Variants in ARHGAP23 observed in about 807,000 individuals in gnomAD.
The protein encoded by ARHGAP23 is Rho GTPase activating protein 23, also known as rho GTPase-activating protein 23.
ARHGAP23 carries 34 observed loss-of-function variants against 136.3 expected under a neutral mutation model. That is an observed-to-expected ratio of 0.25 (90% CI 0.19 to 0.33). The LOEUF is 0.33. ARHGAP23 is among the 10% of genes least tolerant of loss of function. The pLI, the probability that ARHGAP23 is intolerant of heterozygous loss-of-function variation, is 1.00. For missense variants in ARHGAP23, 1,808 were observed against 2,139.0 expected, an observed-to-expected ratio of 0.85 and a Z score of 3.05; for synonymous variants, 832 against 920.5, an observed-to-expected ratio of 0.90 and a Z score of 1.74.
intron 1 of ARHGAP23, among the ~76,000 whole-genome samples, chr17:38,447,296 G>T (rs563626644): frequency 2.0e-5 from 3 of 151,948 alleles, no homozygotes; most frequent in African/African-American, 7.2e-5. Context: ...ACAAAATTTA[G>T]CCGGGCGTGG....
Position 38,469,528 on chromosome 17 carries a change from C to T in ARHGAP23, c.1809C>T (p.Ser603=), listed in dbSNP as rs1381958046. 1.3e-6 allele frequency: 2 copies of T among 1,548,002 alleles called. No homozygotes were observed. The highest frequency in any genetic ancestry group is 3.9e-5 in the Admixed American group (2 of 50,950). ...CCGATGTGGGCGGCTTTGCAGGCAG[C>T]ATCAAGGCTGGCCGCCGCTCCTCCT... ...LGRHYSQDCS[S]IKAGRRSSYL... Residue 603 remains serine, a synonymous_variant, in exon 9 of 24, where the codon AGC becomes AGT. Coordinates refer to ENST00000622683, the MANE Select transcript of ARHGAP23 (RefSeq NM_001199417.2).
chr17:38,504,932 GT>G (rs1291145168), intron 23 of ARHGAP23, among the ~76,000 whole-genome samples: 1 of 146,236 alleles, frequency 6.8e-6, no homozygotes, highest in Non-Finnish European at 1.5e-5. Flanking sequence ...CAGCTCCGTG[GT>G]GGGTGGAGTG....
At chr17:38,445,213 TC>T in intron 1 of ARHGAP23, among the ~76,000 whole-genome samples, 1 of 147,142 alleles carries the variant, frequency 6.8e-6, no homozygotes, top group East Asian at 2.1e-4. Context: ...ACGCCTGTAA[TC>T]CCAGCACTTT....
At chr17:38,459,253 T>G (rs915208183) in intron 2 of ARHGAP23, among the ~76,000 whole-genome samples, 2 of 152,204 alleles carry the variant, frequency 1.3e-5, no homozygotes, top group Non-Finnish European at 2.9e-5. Context: ...ACTGTCTGTG[T>G]TCGTGTGCTC....
In ARHGAP23 at chr17:38,510,701, G is replaced by C. The variant is rs1415308998; in HGVS notation, c.4205G>C (p.Ser1402Thr). The change falls in exon 24 of 24, where the codon AGC becomes ACC. Residue 1402 changes from serine to threonine, a missense_variant. Ser to Thr is a moderately conservative substitution (Grantham distance 58, BLOSUM62 1). Coordinates refer to ENST00000622683, the MANE Select transcript of ARHGAP23 (RefSeq NM_001199417.2). The surrounding 1 kb of genome is among the most constrained non-coding windows in gnomAD (Gnocchi z 4.6). ...LSPETRRRRS[S>T]WRRHTVVVQS... Reference sequence around the variant, plus strand: ...CCCGAGACCCGGCGGCGCCGGAGCAGCTGGCGCCGCCACACCGTGGTGGTG... The same window carrying C: ...CCCGAGACCCGGCGGCGCCGGAGCACCTGGCGCCGCCACACCGTGGTGGTG... The C allele has an allele frequency of 5.6e-6, 8 of 1,433,664 alleles. No individual in the cohort carries two copies. The South Asian group carries it at 1.0e-4, about 18-fold the overall frequency. The allele number at this position is 1,433,664 out of a possible 1,614,324, so 88.8% of individuals were successfully genotyped here. A position where few individuals can be genotyped will look rare whatever the true frequency, so the allele number is the denominator to read the frequency against.
At chr17:38,435,794 G>C (rs567147734) in intron 1 of ARHGAP23, among the ~76,000 whole-genome samples, 1 of 152,048 alleles carries the variant, frequency 6.6e-6, no homozygotes, top group African/African-American at 2.4e-5. Flanking sequence ...AGAGATGGGC[G>C]TTCACCATGT....
intron 19 of ARHGAP23, among the ~76,000 whole-genome samples, chr17:38,491,181 G>A (rs1463705515): frequency 1.3e-5 from 2 of 152,234 alleles, no homozygotes; most frequent in African/African-American, 4.8e-5. Flanking sequence ...CCTTGTATAG[G>A]TGTGCAGGTT....
At chr17:38,493,175 T>TTC (rs1001610282) in intron 20 of ARHGAP23, among the ~76,000 whole-genome samples, 2 of 151,252 alleles carry the variant, frequency 1.3e-5, no homozygotes, top group South Asian at 4.2e-4. Context: ...TTCTTTCTCT[T>TTC]TCTCTCTCTC....
intron 11 of ARHGAP23, among the ~76,000 whole-genome samples, chr17:38,473,041 A>G (rs1392025551): frequency 6.6e-6 from 1 of 151,656 alleles, no homozygotes; most frequent in African/African-American, 2.4e-5. Flanking sequence ...GGTTCAAGCA[A>G]TTCTCCAGCC....
chr17:38,428,440 G>C (rs183704037), upstream of ARHGAP23: 18,420 of 1,254,776 alleles, frequency 0.015, 626 homozygotes, highest in African/African-American at 0.13. Context: ...GGTCCCTGCC[G>C]GCGCCCCCAG....
chr17:38,478,501 G>A lies in ARHGAP23; in HGVS notation c.2436+605G>A, dbSNP rs1203191339. 3.3e-5 allele frequency among the ~76,000 whole-genome samples: 5 copies of A among 150,714 alleles called. No individual in the cohort carries two copies. The East Asian group carries it at 9.8e-4, about 30-fold the overall frequency. Reference sequence around the variant, plus strand: ...GCGATCTCAGCTCACTGCAACCTCCGCCTCCCAGGTTCAAGTGATTCTCCT... The same window carrying A: ...GCGATCTCAGCTCACTGCAACCTCCACCTCCCAGGTTCAAGTGATTCTCCT... On this transcript the variant is annotated intron_variant, in intron 12 of 23. Transcript: ENST00000622683.
intron 23 of ARHGAP23, among the ~76,000 whole-genome samples, chr17:38,503,015 T>G (rs2078135): frequency 0.19 from 28,807 of 152,162 alleles, 3,012 homozygotes; most frequent in East Asian, 0.45. Flanking sequence ...GCCACTGCAC[T>G]CCAGCCTGGG....
chr17:38,502,560 C>T (rs1475767479), intron 23 of ARHGAP23, among the ~76,000 whole-genome samples: 1 of 152,150 alleles, frequency 6.6e-6, no homozygotes, highest in Non-Finnish European at 1.5e-5. Flanking sequence ...AGACACTAAG[C>T]TTATGAAGAA....
chr17:38,436,760 T>C (rs1234610967), intron 1 of ARHGAP23, among the ~76,000 whole-genome samples: 1 of 152,146 alleles, frequency 6.6e-6, no homozygotes, highest in Non-Finnish European at 1.5e-5. Flanking sequence ...CTGCCAAAAA[T>C]ATTAATGTAA....
At chr17:38,431,534 GC>G (rs1429774454) in intron 1 of ARHGAP23, among the ~76,000 whole-genome samples, 3 of 152,112 alleles carry the variant, frequency 2.0e-5, no homozygotes, top group East Asian at 3.9e-4. Flanking sequence ...TCAGATCCAG[GC>G]CCCCCTGTTT....
intron 23 of ARHGAP23, among the ~76,000 whole-genome samples, chr17:38,505,753 AC>A (rs1236780152): frequency 6.6e-6 from 1 of 152,048 alleles, no homozygotes; most frequent in African/African-American, 2.4e-5. Flanking sequence ...ATATGGCAAA[AC>A]CCCGTCTCTA....
chr17:38,498,569 T>C (rs1304221333), intron 22 of ARHGAP23, 59 bp downstream of exon 22: 2 of 1,369,898 alleles, frequency 1.5e-6, no homozygotes, highest in Non-Finnish European at 2.0e-6. Context: ...TTCCTGAGGG[T>C]CCCAGGTGCC....
chr17:38,500,334 T>C (rs1253127942), intron 22 of ARHGAP23: 21 of 535,562 alleles, frequency 3.9e-5, no homozygotes, highest in Non-Finnish European at 5.6e-5. Flanking sequence ...CCCTTAGCCA[T>C]CGGTAAATGA....
Position 38,482,593 on chromosome 17 carries a change from A to T in ARHGAP23, c.2822A>T (p.Tyr941Phe). 1 of 1,550,142 alleles carries T rather than the reference A, an allele frequency of 6.5e-7. No homozygotes were observed. The highest frequency in any genetic ancestry group is 8.7e-7 in the Non-Finnish European group (1 of 1,146,716). Residue 941 changes from tyrosine (Y) to phenylalanine (F), a missense_variant, in exon 16 of 24, where the codon TAC becomes TTC. Physicochemically the swap from Tyr to Phe is conservative, Grantham distance 22. Transcript: ENST00000622683. ...CGAGGGCTGGAGTCCACAGGCATTT[A>T]CCGAGTGCCCGGCAACAATGCAGTG... ...EARGLESTGI[Y>F]RVPGNNAVVS...
Sources: allele counts gnomAD v4.1 joint callset (sites outside exome capture counted in the v4.1 genomes callset), GRCh38; gene constraint gnomAD v4.1.1; non-coding constraint Gnocchi (gnomAD v3.1); transcripts MANE v1.5; gene names NCBI Gene and HGNC (gene_info 2026-07-23, HGNC 2026-07-21).